The following SLC1A2 variants were observed in gnomAD, a reference collection of about 807,000 sequenced individuals.
The protein encoded by SLC1A2 is solute carrier family 1 member 2.
In SLC1A2, 15 loss-of-function variants were observed where a neutral mutation model predicts 48.8. That is an observed-to-expected ratio of 0.31 (90% CI 0.21 to 0.47). The LOEUF is 0.47. Ranked by LOEUF, SLC1A2 falls within the 20% of genes least tolerant of loss-of-function variation. The pLI, the probability that SLC1A2 is intolerant of heterozygous loss-of-function variation, is 0.99. For missense variants in SLC1A2, 502 were observed against 730.5 expected, an observed-to-expected ratio of 0.69 and a Z score of 3.61; for synonymous variants, 279 against 272.6, an observed-to-expected ratio of 1.02 and a Z score of -0.23.
chr11:35,292,213 G>GT, intron 7 of SLC1A2, 74 bp downstream of exon 7: 2 of 1,061,784 alleles, frequency 1.9e-6, no homozygotes, highest in Admixed American at 2.0e-5. Flanking sequence ...TGATGGGAGG[G>GT]TTTTGAGAAA....
At chr11:35,291,569 A>T (rs1262194399) in intron 7 of SLC1A2, 1 of 152,192 alleles carries the variant, frequency 6.6e-6, no homozygotes, top group Non-Finnish European at 1.5e-5. Flanking sequence ...GCCTAATTGT[A>T]AGACGTTTCT....
At position 35,318,691 on chromosome 11, in the gene SLC1A2, G is replaced by T. The variant is rs536211800; in HGVS notation, c.18-1175C>A. Among the ~76,000 whole-genome samples, 7 of 152,274 alleles carry T rather than the reference G, an allele frequency of 4.6e-5. No individual in the cohort carries two copies. The South Asian group carries it at 1.5e-3, about 32-fold the overall frequency. On this transcript the variant is annotated intron_variant, in intron 1 of 10. Transcript: ENST00000278379. ...CTCCAACTCTTGCTAGCTGTGTGGGGTGTAGAAAGAAATGCCTGATGCCTA... is the reference window on the plus strand; with the variant it reads ...CTCCAACTCTTGCTAGCTGTGTGGGTTGTAGAAAGAAATGCCTGATGCCTA...
intron 1 of SLC1A2, among the ~76,000 whole-genome samples, chr11:35,323,662 T>C (rs969568314): frequency 2.0e-5 from 3 of 152,176 alleles, no homozygotes; most frequent in African/African-American, 7.2e-5. Flanking sequence ...AGACAAGTCA[T>C]TTCATTCGCC....
At chr11:35,277,981 T>C (rs1850496177) in intron 9 of SLC1A2, among the ~76,000 whole-genome samples, 1 of 152,162 alleles carries the variant, frequency 6.6e-6, no homozygotes, top group Non-Finnish European at 1.5e-5. Context: ...CACCATTGAC[T>C]CTCAGCTGCC....
At chr11:35,338,319 T>C (rs1852708521) in intron 1 of SLC1A2, among the ~76,000 whole-genome samples, 1 of 152,200 alleles carries the variant, frequency 6.6e-6, no homozygotes, top group African/African-American at 2.4e-5. Flanking sequence ...TGTTGTTTTT[T>C]GCCTCCCTAG....
In SLC1A2 at chr11:35,254,123, T is replaced by A. The variant is rs1950280971; in HGVS notation, c.*6771A>T. 6.6e-6 allele frequency: 1 copy of A among 152,624 alleles called. No individual in the cohort carries two copies. The highest frequency in any genetic ancestry group is 2.1e-4 in the South Asian group (1 of 4,832). 9.5% of individuals were successfully genotyped at this position (152,624 alleles called of 1,614,324 possible). ...ACTCTTACCAGGAAGCCAAAATATA[T>A]CTGCTGGCAACAAGATCAAGTTAGA... is the stretch of plus-strand genomic sequence containing the variant. On this transcript the variant is annotated 3_prime_UTR_variant, in exon 11 of 11. Transcript: ENST00000278379.
Position 35,365,901 on chromosome 11 carries a change from T to C in SLC1A2, c.18-48385A>G, listed in dbSNP as rs1853831490. Among the ~76,000 whole-genome samples, 6 of 152,150 alleles carry C rather than the reference T, an allele frequency of 3.9e-5. No individual in the cohort carries two copies. In the South Asian group the frequency reaches 1.2e-3, roughly 32 times the overall value. ...ACACGTGGCAACACCTGGAGACATG[T>C]TTGGTTGTCACAATTATGAGGTGAG... On this transcript the variant is annotated intron_variant, in intron 1 of 10. Transcript: ENST00000278379.
intron 1 of SLC1A2, among the ~76,000 whole-genome samples, chr11:35,343,022 G>C (rs2901534): frequency 0.2 from 30,905 of 152,160 alleles, 3,330 homozygotes; most frequent in Middle Eastern, 0.27. Flanking sequence ...TGGAACTGGA[G>C]TTTGCAAGAG....
chr11:35,265,742 A>T lies in SLC1A2; in HGVS notation c.1438T>A (p.Ser480Thr). ...AAAGAGTCACCCACAACATTGACTG[A>T]AGTTCTCATCCTGTCCCTGGGGACA... ...VDWLLDRMRT[S>T]VNVVGDSFGA... Residue 480 changes from serine to threonine, a missense_variant, in exon 10 of 11, where the codon TCA becomes ACA. Physicochemically the swap from Ser to Thr is moderately conservative, Grantham distance 58. This residue lies in a region of SLC1A2 where 309 missense variants were observed against 480.3 expected (regional missense o/e 0.64). Coordinates refer to ENST00000278379, the MANE Select transcript of SLC1A2 (RefSeq NM_004171.4). 6.2e-7 allele frequency: 1 copy of T among 1,612,130 alleles called. No homozygotes were observed. The highest frequency in any genetic ancestry group is 8.5e-7 in the Non-Finnish European group (1 of 1,178,192).
intron 10 of SLC1A2, chr11:35,261,558 A>G (rs1376452792): frequency 2.5e-6 from 1 of 397,224 alleles, no homozygotes; most frequent in East Asian, 3.6e-5. Context: ...TTTAATAATC[A>G]GATAAAATTA....
intron 1 of SLC1A2, among the ~76,000 whole-genome samples, chr11:35,385,994 C>A (rs1018156660): frequency 6.6e-6 from 1 of 151,916 alleles, no homozygotes; most frequent in African/African-American, 2.4e-5. Context: ...GGTGAAACCC[C>A]GTCTCTACTA....
At chr11:35,311,835 C>T (rs138606591) in intron 4 of SLC1A2, among the ~76,000 whole-genome samples, 104 of 140,502 alleles carry the variant, frequency 7.4e-4, no homozygotes, top group African/African-American at 2.6e-3. Context: ...ATTTCCCAGC[C>T]TCATGCACAA....
At chr11:35,301,111 T>C (rs1322675976) in intron 6 of SLC1A2, among the ~76,000 whole-genome samples, 1 of 152,148 alleles carries the variant, frequency 6.6e-6, no homozygotes, top group Non-Finnish European at 1.5e-5. Flanking sequence ...GTCTGCAACC[T>C]GGAAAAGGCC....
chr11:35,359,160 A>T (rs940086061), intron 1 of SLC1A2, among the ~76,000 whole-genome samples: 31 of 152,186 alleles, frequency 2.0e-4, no homozygotes, highest in Admixed American at 1.4e-3. Flanking sequence ...TACAGCTATC[A>T]CACAACAGGG....
At chr11:35,291,253 T>C (rs1470939607) in intron 7 of SLC1A2, 1 of 151,584 alleles carries the variant, frequency 6.6e-6, no homozygotes, top group Non-Finnish European at 1.5e-5. Context: ...TTGTAAGGCA[T>C]TTCTTTCTTT....
intron 1 of SLC1A2, among the ~76,000 whole-genome samples, chr11:35,345,271 C>T (rs559118806): frequency 9.2e-5 from 14 of 152,294 alleles, no homozygotes; most frequent in African/African-American, 1.4e-4. Flanking sequence ...CTTCATAAAA[C>T]GTGCAGACCT....
intron 1 of SLC1A2, among the ~76,000 whole-genome samples, chr11:35,325,483 A>G (rs888500609): frequency 6.6e-6 from 1 of 152,216 alleles, no homozygotes; most frequent in African/African-American, 2.4e-5. Context: ...TAGATGCTCA[A>G]TTAGTTTATG....
Position 35,257,476 on chromosome 11 carries a change from T to C in SLC1A2, c.*3418A>G, listed in dbSNP as rs932129648. 1 of 152,198 alleles carries C rather than the reference T, an allele frequency of 6.6e-6. No individual in the cohort carries two copies. Among genetic ancestry groups the C allele is most frequent in the South Asian group, 2.1e-4 (1 of 4,834 alleles). The allele number at this position is 152,198 out of a possible 1,614,324, so 9.4% of individuals were successfully genotyped here. ...AATAGGAAGTAAAAACTGAAACTGA[T>C]AGCTATGTGGTTCAGCTCTCATAAC... On this transcript the variant is annotated 3_prime_UTR_variant, in exon 11 of 11. Transcript: ENST00000278379.
chr11:35,282,697 G>C (rs779871196), intron 8 of SLC1A2, among the ~76,000 whole-genome samples: 1 of 152,194 alleles, frequency 6.6e-6, no homozygotes, highest in Non-Finnish European at 1.5e-5. Context: ...GACCTTGACT[G>C]TTTTATACAC....
Sources: gnomAD v4.1 joint callset for allele counts (sites outside exome capture counted in the v4.1 genomes callset) on GRCh38, gnomAD v4.1.1 for gene constraint, gnomAD v4.1.1 regional missense constraint, MANE v1.5 for transcripts, NCBI Gene and HGNC (gene_info 2026-07-23, HGNC 2026-07-21) for gene names.